Variants in CLASP2 observed in about 807,000 individuals in gnomAD.
The protein encoded by CLASP2 is cytoplasmic linker associated protein 2, also known as CLIP-associating protein 2.
CLASP2 carries 47 observed loss-of-function variants against 194.4 expected under a neutral mutation model. The ratio of observed to expected loss-of-function variants is 0.24; its 90% confidence interval spans 0.19 to 0.31. The LOEUF is 0.31. Ranked by LOEUF, CLASP2 falls within the 10% of genes least tolerant of loss-of-function variation. The pLI is 1.00. For missense variants in CLASP2, 1,445 were observed against 1,823.6 expected (o/e 0.79, Z 3.78); for synonymous variants, 619 against 633.5 (o/e 0.98, Z 0.34).
intron 23 of CLASP2, among the ~76,000 whole-genome samples, chr3:33,579,587 A>G (rs1292202612): frequency 6.6e-6 from 1 of 152,234 alleles, no homozygotes; most frequent in African/African-American, 2.4e-5. Flanking sequence ...GGGAAGAGGT[A>G]GAGTGGTAAT....
intron 34 of CLASP2, among the ~76,000 whole-genome samples, chr3:33,527,804 A>T (rs1386694435): frequency 6.6e-6 from 1 of 152,098 alleles, no homozygotes; most frequent in Non-Finnish European, 1.5e-5. Flanking sequence ...TTTACTAAAA[A>T]TACAAAAAAT....
chr3:33,684,512 T>C, intron 5 of CLASP2, 56 bp from the exon 6 acceptor site: 1 of 1,204,006 alleles, frequency 8.3e-7, no homozygotes, highest in African/African-American at 1.5e-5. Flanking sequence ...ATAAAATACT[T>C]CATCTCAAGG....
At chr3:33,541,151 A>C (rs1473912119) in intron 32 of CLASP2, among the ~76,000 whole-genome samples, 1 of 152,202 alleles carries the variant, frequency 6.6e-6, no homozygotes, top group African/African-American at 2.4e-5. Context: ...GTATATACCC[A>C]AAGGAATACA....
intron 32 of CLASP2, among the ~76,000 whole-genome samples, chr3:33,542,223 A>C (rs1422913653): frequency 2.6e-5 from 4 of 151,964 alleles, no homozygotes; most frequent in African/African-American, 9.7e-5. Flanking sequence ...TGAAAATTGT[A>C]CACATCTTTT....
At chr3:33,522,439 T>A (rs1002190971) in intron 34 of CLASP2, among the ~76,000 whole-genome samples, 1 of 152,018 alleles carries the variant, frequency 6.6e-6, no homozygotes, top group African/African-American at 2.4e-5. Flanking sequence ...ATCTCTGGGG[T>A]ATTGAGAGAA....
chr3:33,666,354 C>A (rs1016261564), intron 6 of CLASP2, among the ~76,000 whole-genome samples: 1 of 152,170 alleles, frequency 6.6e-6, no homozygotes, highest in Non-Finnish European at 1.5e-5. Context: ...AATCATTCCC[C>A]ATTTACCCTG....
At position 33,514,668 on chromosome 3, in the gene CLASP2, T is replaced by C. The variant is rs192224852; in HGVS notation, c.4110+1355A>G. 216 of 344,586 alleles carry C rather than the reference T, an allele frequency of 6.3e-4. 2 individuals are homozygous for C. The highest frequency in any genetic ancestry group is 4.2e-3 in the African/African-American group (199 of 47,834). The allele number at this position is 344,586 out of a possible 1,614,324, so 21.3% of individuals were successfully genotyped here. A position where few individuals can be genotyped will look rare whatever the true frequency, so the allele number is the denominator to read the frequency against. On this transcript the variant is annotated intron_variant, in intron 36 of 38. Coordinates refer to ENST00000682230, the MANE Select transcript of CLASP2 (RefSeq NM_001365631.1). ...TCCATTTGATCCAGCAATCCCACTATTGGGTATCTACCTAGAAAAAAAGAA... is the reference window on the plus strand; with the variant it reads ...TCCATTTGATCCAGCAATCCCACTACTGGGTATCTACCTAGAAAAAAAGAA...
intron 6 of CLASP2, among the ~76,000 whole-genome samples, chr3:33,677,812 A>G (rs1021391775): frequency 1.3e-5 from 2 of 150,984 alleles, no homozygotes; most frequent in Non-Finnish European, 3.0e-5. Flanking sequence ...TCTAAAGTTT[A>G]AAAACAAAAA....
chr3:33,670,961 AT>A, intron 6 of CLASP2, among the ~76,000 whole-genome samples: 1 of 152,284 alleles, frequency 6.6e-6, no homozygotes, highest in South Asian at 2.1e-4. Context: ...AAACTATTTA[AT>A]TAGACTTAAC....
At chr3:33,603,559 C>T (rs1436240127) in intron 17 of CLASP2, among the ~76,000 whole-genome samples, 1 of 152,212 alleles carries the variant, frequency 6.6e-6, no homozygotes, top group African/African-American at 2.4e-5. Flanking sequence ...GGTTCTGCCA[C>T]TCCATGGGAA....
At chr3:33,515,645 A>T (rs2051107580) in intron 36 of CLASP2, among the ~76,000 whole-genome samples, 1 of 152,122 alleles carries the variant, frequency 6.6e-6, no homozygotes, top group African/African-American at 2.4e-5. Flanking sequence ...TGAGATCCTG[A>T]TTCAACAAAC....
Position 33,717,903 on chromosome 3 carries a change from C to T in CLASP2, c.100G>A (p.Ala34Thr), listed in dbSNP as rs1490638457. Residue 34 changes from alanine (A) to threonine (T), a missense_variant, in exon 1 of 39, where the codon GCC becomes ACC. By Grantham distance (58) the Ala-to-Thr change is moderately conservative. This residue lies in a region of CLASP2 where 332 missense variants were observed against 325.3 expected (regional missense o/e 1.02). Transcript: ENST00000682230. ...VGQELLLYLGAPGAISDLEED... is the reference protein window; with the variant it reads ...VGQELLLYLGTPGAISDLEED... ...TCCAGGTCCGAGATGGCGCCGGGGG[C>T]GCCAAGGTAGAGCAGGAGCTCCTGG... 3 of 1,554,786 alleles carry T rather than the reference C, an allele frequency of 1.9e-6. No homozygotes were observed. In the Admixed American group the frequency reaches 5.8e-5, roughly 30 times the overall value.
chr3:33,555,496 G>C (rs998392809), intron 29 of CLASP2, among the ~76,000 whole-genome samples: 4 of 151,814 alleles, frequency 2.6e-5, no homozygotes, highest in Non-Finnish European at 5.9e-5. Context: ...TTCCCGAGTA[G>C]ATAAGATTAC....
At chr3:33,521,939 T>C (rs1373707521) in intron 34 of CLASP2, among the ~76,000 whole-genome samples, 2 of 152,038 alleles carry the variant, frequency 1.3e-5, no homozygotes, top group South Asian at 2.1e-4. Context: ...CTGGAGCAGC[T>C]TGCACACAGC....
At chr3:33,510,822 T>C in intron 36 of CLASP2, 58 bp from the exon 37 acceptor site, 1 of 1,405,116 alleles carries the variant, frequency 7.1e-7, no homozygotes, top group Admixed American at 2.1e-5. Flanking sequence ...CACTACATCC[T>C]GGAAGTATAA....
chr3:33,584,357 C>T (rs1248705850), intron 22 of CLASP2, among the ~76,000 whole-genome samples: 11 of 150,322 alleles, frequency 7.3e-5, no homozygotes, highest in African/African-American at 1.2e-4. Flanking sequence ...TCACTGCAGC[C>T]TCCACCCCAG....
chr3:33,526,953 T>C (rs1238740379), intron 34 of CLASP2, among the ~76,000 whole-genome samples: 2 of 152,108 alleles, frequency 1.3e-5, no homozygotes, highest in African/African-American at 4.8e-5. Flanking sequence ...TACAAGACAT[T>C]AGAATCTTTG....
intron 6 of CLASP2, among the ~76,000 whole-genome samples, chr3:33,673,915 C>T (rs1437375828): frequency 6.6e-6 from 1 of 152,074 alleles, no homozygotes; most frequent in Non-Finnish European, 1.5e-5. Context: ...TATATGCACC[C>T]AATACAGGAG....
At chr3:33,673,155 T>C (rs1232341172) in intron 6 of CLASP2, among the ~76,000 whole-genome samples, 2 of 151,822 alleles carry the variant, frequency 1.3e-5, no homozygotes, top group African/African-American at 2.4e-5. Context: ...TTCACCAAGG[T>C]TGAAATGAAG....
Sources: allele counts gnomAD v4.1 joint callset (sites outside exome capture counted in the v4.1 genomes callset), GRCh38; gene constraint gnomAD v4.1.1; regional missense constraint gnomAD v4.1.1; transcripts MANE v1.5; gene names NCBI Gene and HGNC (gene_info 2026-07-23, HGNC 2026-07-21).